Variants in NUP133 observed in about 807,000 individuals in gnomAD.
NUP133 encodes the protein nucleoporin 133, also known as nuclear pore complex protein Nup133.
NUP133 carries 66 observed loss-of-function variants against 146.2 expected under a neutral mutation model. The observed-to-expected ratio is 0.45, with a 90% CI of 0.37 to 0.55. The LOEUF is 0.55. NUP133 is among the 20% of genes least tolerant of loss of function. The probability of loss-of-function intolerance (pLI) is 0.00; values close to 1 mark genes in which losing one functional copy is unlikely to be tolerated. For synonymous variants in NUP133, 521 were observed against 498.8 expected (o/e 1.04, Z -0.59); for missense variants, 1,277 against 1,374.8 (o/e 0.93, Z 1.12).
intron 21 of NUP133, among the ~76,000 whole-genome samples, chr1:229,453,067 C>T (rs1660491749): frequency 6.6e-6 from 1 of 151,970 alleles, no homozygotes; most frequent in African/African-American, 2.4e-5. Context: ...GGGGGATGGG[C>T]CACTAAGCTC....
At chr1:229,506,555 A>C (rs531374478) in intron 1 of NUP133, among the ~76,000 whole-genome samples, 1 of 151,468 alleles carries the variant, frequency 6.6e-6, no homozygotes, top group African/African-American at 2.4e-5. Context: ...GGTCAAATAC[A>C]TTTTATAAAT....
At chr1:229,461,245 A>G (rs1325699353) in intron 19 of NUP133, among the ~76,000 whole-genome samples, 2 of 152,038 alleles carry the variant, frequency 1.3e-5, no homozygotes, top group Non-Finnish European at 2.9e-5. Context: ...AGCTGGCCAC[A>G]TGGCCTGGCA....
chr1:229,501,368 C>T (rs1571941420), intron 3 of NUP133, among the ~76,000 whole-genome samples: 1 of 152,304 alleles, frequency 6.6e-6, no homozygotes, highest in African/African-American at 2.4e-5. Context: ...CACATACACC[C>T]TTTTCTAGGC....
At chr1:229,505,475 C>T (rs1661909269) in intron 2 of NUP133, among the ~76,000 whole-genome samples, 1 of 141,710 alleles carries the variant, frequency 7.1e-6, no homozygotes, top group South Asian at 2.2e-4. Context: ...GACTACTGTA[C>T]AGTACCTAAA....
intron 7 of NUP133, 47 bp from the exon 8 acceptor site, chr1:229,495,612 T>C (rs1661637072): frequency 7.2e-7 from 1 of 1,394,498 alleles, no homozygotes; most frequent in Non-Finnish European, 1.0e-6. Flanking sequence ...GCAGGAATGA[T>C]TTATTTTCAC....
chr1:229,460,829 A>T, intron 19 of NUP133, 60 bp from the exon 20 acceptor site: 5 of 1,450,112 alleles, frequency 3.4e-6, no homozygotes, highest in Non-Finnish European at 4.7e-6. Flanking sequence ...ATTTCTGATA[A>T]CAAAACATAA....
In NUP133 at chr1:229,490,099, A is replaced by G. The variant is rs192532792; in HGVS notation, c.1050T>C (p.Asp350=). The change falls in exon 9 of 26, where the codon GAT becomes GAC. Residue 350 remains aspartate, a synonymous_variant. Transcript: ENST00000261396. ...ATGCTGCTGCCAAAATCACCAGCCCATCACTAATCAATAAAAAAGGAAGAT... is the reference window on the plus strand; with the variant it reads ...ATGCTGCTGCCAAAATCACCAGCCCGTCACTAATCAATAAAAAAGGAAGAT... ...IRYLDLKQNC[D]GLVILAAAWH... 4.5e-6 allele frequency: 7 copies of G among 1,551,862 alleles called. No individual in the cohort carries two copies. In the East Asian group the frequency reaches 1.6e-4, roughly 36 times the overall value.
chr1:229,497,685 G>A (rs902157960), intron 6 of NUP133, among the ~76,000 whole-genome samples: 4 of 152,154 alleles, frequency 2.6e-5, no homozygotes, highest in South Asian at 4.1e-4. Flanking sequence ...ATAGAGCACC[G>A]AGCAGCGAGT....
intron 21 of NUP133, among the ~76,000 whole-genome samples, chr1:229,452,993 T>C (rs1446625325): frequency 6.6e-6 from 1 of 150,836 alleles, no homozygotes; most frequent in Non-Finnish European, 1.5e-5. Flanking sequence ...TCCATCATAT[T>C]TTATAATTCA....
intron 11 of NUP133, among the ~76,000 whole-genome samples, chr1:229,484,542 A>C (rs1661300197): frequency 6.6e-6 from 1 of 152,164 alleles, no homozygotes; most frequent in Non-Finnish European, 1.5e-5. Flanking sequence ...TGATCAACCA[A>C]AGTCATACAG....
At chr1:229,469,672 TA>T in intron 15 of NUP133, among the ~76,000 whole-genome samples, 1 of 152,314 alleles carries the variant, frequency 6.6e-6, no homozygotes, top group South Asian at 2.1e-4. Flanking sequence ...ACAGCCAATG[TA>T]AAGTGCGCAC....
chr1:229,494,934 T>G (rs1470404967), intron 8 of NUP133, among the ~76,000 whole-genome samples: 1 of 152,166 alleles, frequency 6.6e-6, no homozygotes, highest in Non-Finnish European at 1.5e-5. Flanking sequence ...GCTCTAGCTG[T>G]AAGAGCAGAA....
At position 229,464,969 on chromosome 1, in the gene NUP133, C is replaced by T. The variant is rs1264652169; in HGVS notation, c.2300-94G>A. The T allele has an allele frequency of 3.5e-6, 5 of 1,434,298 alleles. No individual in the cohort carries two copies. In the African/African-American group the frequency reaches 7.1e-5, roughly 20 times the overall value. The allele number at this position is 1,434,298 out of a possible 1,614,324, so 88.8% of individuals were successfully genotyped here. On this transcript the variant is annotated intron_variant, in intron 17 of 25. Coordinates refer to ENST00000261396, the MANE Select transcript of NUP133 (RefSeq NM_018230.3). Reference sequence around the variant, plus strand: ...GCATAAAAATTATGCCTCTTCATCACTGCTGGAAAATTACATTGAACAGGG... The same window carrying T: ...GCATAAAAATTATGCCTCTTCATCATTGCTGGAAAATTACATTGAACAGGG...
chr1:229,490,319 C>T (rs2102777624), intron 8 of NUP133, among the ~76,000 whole-genome samples: 1 of 150,872 alleles, frequency 6.6e-6, no homozygotes, highest in Non-Finnish European at 1.5e-5. Context: ...TTGCCTAAAA[C>T]TGAAAACAAC....
In NUP133 at chr1:229,464,616, G is replaced by A; in HGVS notation, c.2551+8C>T. On this transcript the variant is annotated splice_region_variant and intron_variant, in intron 18 of 25. Coordinates refer to ENST00000261396, the MANE Select transcript of NUP133 (RefSeq NM_018230.3). ...ATTTAAAACTCTTGCCAAGTATCAT[G>A]AACTTACGAAGAGGAGATAAGAGAT... 1 of 1,612,832 alleles carries A rather than the reference G, an allele frequency of 6.2e-7. No individual in the cohort carries two copies. The highest frequency in any genetic ancestry group is 8.5e-7 in the Non-Finnish European group (1 of 1,178,970).
intron 21 of NUP133, among the ~76,000 whole-genome samples, chr1:229,453,799 GGTCT>G (rs1323575405): frequency 1.3e-5 from 2 of 152,146 alleles, no homozygotes; most frequent in African/African-American, 4.8e-5. Flanking sequence ...TGCTATGTGA[GGTCT>G]GTGTTTGTGT....
At chr1:229,451,162 G>A (rs1660439468) in intron 22 of NUP133, 1 of 152,040 alleles carries the variant, frequency 6.6e-6, no homozygotes, top group East Asian at 1.9e-4. Flanking sequence ...TCTTTGGGAG[G>A]CCGAGGCAGG....
At chr1:229,460,499 A>C (rs1177787312) in intron 20 of NUP133, 112 bp downstream of exon 20, 3 of 1,058,998 alleles carry the variant, frequency 2.8e-6, no homozygotes, top group Non-Finnish European at 4.0e-6. Flanking sequence ...TTGGATAGTA[A>C]CCCCTTCTCA....
At chr1:229,507,817 G>A in intron 1 of NUP133, 1 of 680,068 alleles carries the variant, frequency 1.5e-6, no homozygotes, top group Non-Finnish European at 1.8e-6. Context: ...AAACACTGAT[G>A]CAAATCCAGT....
Sources: gnomAD v4.1 joint callset for allele counts (sites outside exome capture counted in the v4.1 genomes callset) on GRCh38, gnomAD v4.1.1 for gene constraint, MANE v1.5 for transcripts, NCBI Gene and HGNC (gene_info 2026-07-23, HGNC 2026-07-21) for gene names.